DOCK1: variants seen among roughly 807,000 people sequenced by gnomAD.
DOCK1 encodes the protein dedicator of cytokinesis protein 1.
A neutral mutation model predicts 262.7 loss-of-function variants in DOCK1; 138 were observed. The ratio of observed to expected loss-of-function variants is 0.53; its 90% confidence interval spans 0.46 to 0.61. DOCK1 has a LOEUF of 0.61. Ranked by LOEUF, DOCK1 falls within the 20% of genes least tolerant of loss-of-function variation. The probability of loss-of-function intolerance (pLI) is 0.00; values close to 1 mark genes in which losing one functional copy is unlikely to be tolerated. For synonymous variants in DOCK1, 866 were observed against 867.4 expected (o/e 1.00, Z 0.03); for missense variants, 1,908 against 2,370.7 (o/e 0.80, Z 4.05).
intron 27 of DOCK1, among the ~76,000 whole-genome samples, chr10:127,231,241 C>CTTT (rs3083935): frequency 6.9e-6 from 1 of 144,078 alleles, no homozygotes; most frequent in East Asian, 2.0e-4. Flanking sequence ...GAATCCAAGG[C>CTTT]TTTTTTTTTT....
rs112160904 is a variant in DOCK1, at chr10:127,099,244, C to T, written c.2446-6987C>T. ...AGTCAGTTTGGGAGTCATGGAGGGT[C>T]GACTTCCCAATGTCCTCTGTGAGGA... is the stretch of plus-strand genomic sequence containing the variant. On this transcript the variant is annotated intron_variant, in intron 23 of 51. Coordinates refer to ENST00000623213, the MANE Select transcript of DOCK1 (RefSeq NM_001290223.2). Among the ~76,000 whole-genome samples, 191 of 152,230 alleles carry T rather than the reference C, an allele frequency of 1.3e-3. 1 individual carries two copies. Among genetic ancestry groups the T allele is most frequent in the African/African-American group, 4.3e-3 (178 of 41,550 alleles).
chr10:126,952,956 T>TA (rs1202944250), intron 1 of DOCK1, among the ~76,000 whole-genome samples: 1 of 276 alleles, frequency 3.6e-3, no homozygotes, highest in Non-Finnish European at 0.013. Context: ...GTAGTGGTAG[T>TA]ATTTTTTGTT....
At chr10:127,253,652 T>A (rs2059729885) in intron 28 of DOCK1, among the ~76,000 whole-genome samples, 1 of 151,964 alleles carries the variant, frequency 6.6e-6, no homozygotes, top group African/African-American at 2.4e-5. Context: ...AGCAGAAAGA[T>A]CTATTGAGCC....
At chr10:127,031,898 C>T in intron 17 of DOCK1, 145 bp downstream of exon 17, 1 of 893,932 alleles carries the variant, frequency 1.1e-6, no homozygotes. Context: ...TTTCCAATGA[C>T]CAGCCCTTTT....
intron 29 of DOCK1, among the ~76,000 whole-genome samples, chr10:127,262,510 C>T (rs2060210418): frequency 1.3e-5 from 2 of 152,064 alleles, no homozygotes; most frequent in Admixed American, 6.6e-5. Context: ...ATCCTTCTGC[C>T]CCCATATGCT....
chr10:127,450,903 T>C (rs911189015), intron 51 of DOCK1, among the ~76,000 whole-genome samples: 4 of 152,138 alleles, frequency 2.6e-5, no homozygotes, highest in Non-Finnish European at 4.4e-5. Flanking sequence ...GCTGGAAATA[T>C]GTACTGTCTA....
At chr10:127,052,933 C>G (rs2044842028) in intron 22 of DOCK1, 118 bp downstream of exon 22, 1 of 1,449,190 alleles carries the variant, frequency 6.9e-7, no homozygotes, top group African/African-American at 1.4e-5. Flanking sequence ...CCCTTTTTCC[C>G]CCTTGCTTTC....
intron 29 of DOCK1, among the ~76,000 whole-genome samples, chr10:127,285,575 G>A (rs951705079): frequency 2.0e-5 from 3 of 152,150 alleles, no homozygotes; most frequent in Admixed American, 1.3e-4. Flanking sequence ...GGTGGGAGTG[G>A]GACTCCGTGC....
intron 27 of DOCK1, among the ~76,000 whole-genome samples, chr10:127,224,826 G>A (rs1177228385): frequency 6.6e-6 from 1 of 151,994 alleles, no homozygotes; most frequent in African/African-American, 2.4e-5. Flanking sequence ...GAAATTTGAA[G>A]TAGGAGTTTT....
chr10:126,956,963 G>A (rs2036790069), intron 1 of DOCK1, among the ~76,000 whole-genome samples: 1 of 152,134 alleles, frequency 6.6e-6, no homozygotes. Context: ...CAGGGAGGAG[G>A]CAAAGTGCTT....
chr10:127,097,053 C>T (rs985058129), intron 23 of DOCK1, among the ~76,000 whole-genome samples: 3 of 151,926 alleles, frequency 2.0e-5, no homozygotes, highest in Non-Finnish European at 2.9e-5. Context: ...TGCAGTGAGC[C>T]AAGATTACAC....
At position 127,024,777 on chromosome 10, in the gene DOCK1, T is replaced by TGTTAAGGTATTATTTACATG. The variant is rs764767318; in HGVS notation, c.1548_1551+16dup. 115 of 1,604,810 alleles carry TGTTAAGGTATTATTTACATG rather than the reference T, an allele frequency of 7.2e-5. 2 individuals carry two copies. In the South Asian group the frequency reaches 1.2e-3, roughly 16 times the overall value. ...TAAAGCAGCCACGCTGGTTTGAGACTGTTAAGGTATTATTTACATGGTCAT... is the reference window on the plus strand; with the variant it reads ...TAAAGCAGCCACGCTGGTTTGAGACTGTTAAGGTATTATTTACATGGTTAAGGTATTATTTACATGGTCAT... On this transcript the variant is annotated frameshift_variant, in exon 15 of 52. Transcript: ENST00000623213. LOFTEE classifies it high-confidence loss of function.
At chr10:127,239,751 T>G (rs2134677259) in intron 27 of DOCK1, among the ~76,000 whole-genome samples, 1 of 152,298 alleles carries the variant, frequency 6.6e-6, no homozygotes, top group African/African-American at 2.4e-5. Context: ...TTCTAAACTC[T>G]CTAAGGCTCT....
In DOCK1 at chr10:127,314,148, G is replaced by C. The variant is rs550323656; in HGVS notation, c.3045-24858G>C. 8.5e-5 allele frequency among the ~76,000 whole-genome samples: 13 copies of C among 152,324 alleles called. No individual in the cohort carries two copies. The East Asian group carries it at 2.3e-3, about 27-fold the overall frequency. On this transcript the variant is annotated intron_variant, in intron 29 of 51. Coordinates refer to ENST00000623213, the MANE Select transcript of DOCK1 (RefSeq NM_001290223.2). ...GCTCATGGCATGACTTTCCTCCAAA[G>C]ACCTGGGGATCCGAATAATGCCTAT... is the stretch of plus-strand genomic sequence containing the variant.
intron 27 of DOCK1, among the ~76,000 whole-genome samples, chr10:127,198,686 A>C (rs565818827): frequency 6.6e-5 from 10 of 152,068 alleles, no homozygotes; most frequent in African/African-American, 2.4e-4. Flanking sequence ...GAGTTGTTCA[A>C]TTGTGTAGTA....
intron 27 of DOCK1, among the ~76,000 whole-genome samples, chr10:127,203,226 T>C (rs968076403): frequency 6.6e-6 from 1 of 152,250 alleles, no homozygotes; most frequent in African/African-American, 2.4e-5. Flanking sequence ...TCTGGTGCCA[T>C]GTATAATGGC....
At chr10:127,357,335 T>C (rs2064195453) in intron 32 of DOCK1, among the ~76,000 whole-genome samples, 1 of 152,174 alleles carries the variant, frequency 6.6e-6, no homozygotes, top group South Asian at 2.1e-4. Context: ...CCATTTCAAT[T>C]TGTGCTACGT....
chr10:127,023,094 A>G (rs1441895013), intron 13 of DOCK1, 106 bp from the exon 14 acceptor site: 2 of 1,247,412 alleles, frequency 1.6e-6, no homozygotes, highest in African/African-American at 3.1e-5. Flanking sequence ...ATCATCTAAT[A>G]TGTATTTGTA....
chr10:126,939,772 T>C (rs984263915), intron 1 of DOCK1, among the ~76,000 whole-genome samples: 1 of 152,244 alleles, frequency 6.6e-6, no homozygotes, highest in Non-Finnish European at 1.5e-5. Flanking sequence ...GTGCTGCTGC[T>C]TTCATTCCTT....
Sources: gnomAD v4.1 joint callset for allele counts (sites outside exome capture counted in the v4.1 genomes callset) on GRCh38, gnomAD v4.1.1 for gene constraint, MANE v1.5 for transcripts, NCBI Gene and HGNC (gene_info 2026-07-23, HGNC 2026-07-21) for gene names.